Variants in RIT2 observed in about 807,000 individuals in gnomAD.
RIT2 encodes GTP-binding protein Rit2.
In RIT2, 24 loss-of-function variants were observed where a neutral mutation model predicts 23.7. The ratio of observed to expected loss-of-function variants is 1.01; its 90% confidence interval spans 0.73 to 1.43. RIT2 has a LOEUF of 1.43. RIT2 is among the 40% of genes most tolerant of loss of function. RIT2 has a pLI of 0.00. For missense variants in RIT2, 236 were observed against 266.9 expected (o/e 0.88, Z 0.81); for synonymous variants, 107 against 91.1 (o/e 1.17, Z -0.99).
At chr18:42,888,612 A>G (rs1007557544) in intron 4 of RIT2, among the ~76,000 whole-genome samples, 4 of 151,976 alleles carry the variant, frequency 2.6e-5, no homozygotes, top group Admixed American at 2.0e-4. Flanking sequence ...ATGCACTCAT[A>G]TATTCACTGC....
chr18:42,970,007 T>C (rs1910325068), intron 3 of RIT2, among the ~76,000 whole-genome samples: 2 of 152,030 alleles, frequency 1.3e-5, no homozygotes, highest in African/African-American at 4.8e-5. Flanking sequence ...TCTTGACCTA[T>C]TGCAGTTCTT....
intron 3 of RIT2, among the ~76,000 whole-genome samples, chr18:42,935,106 G>C (rs1042462478): frequency 1.3e-5 from 2 of 151,974 alleles, no homozygotes; most frequent in African/African-American, 4.8e-5. Context: ...GAAACAGCTG[G>C]GACAAAGAAA....
intron 4 of RIT2, among the ~76,000 whole-genome samples, chr18:42,782,929 C>A (rs1913844491): frequency 6.6e-6 from 1 of 151,992 alleles, no homozygotes; most frequent in African/African-American, 2.4e-5. Context: ...AGGTAATGGT[C>A]TTAAGAATGC....
chr18:43,083,990 C>G (rs1448174007), intron 1 of RIT2, among the ~76,000 whole-genome samples: 1 of 152,104 alleles, frequency 6.6e-6, no homozygotes, highest in Non-Finnish European at 1.5e-5. Flanking sequence ...ATCCATCTGA[C>G]AAAGATCTAA....
intron 4 of RIT2, among the ~76,000 whole-genome samples, chr18:42,842,463 A>G (rs765831862): frequency 3.9e-5 from 6 of 152,136 alleles, no homozygotes; most frequent in Non-Finnish European, 5.9e-5. Flanking sequence ...TATTCAATGT[A>G]TTTTTCTCAG....
At chr18:42,854,855 C>T (rs563164104) in intron 4 of RIT2, among the ~76,000 whole-genome samples, 1 of 152,140 alleles carries the variant, frequency 6.6e-6, no homozygotes, top group Non-Finnish European at 1.5e-5. Flanking sequence ...ACTATTTGCC[C>T]TTCCTGCAGG....
intron 2 of RIT2, among the ~76,000 whole-genome samples, chr18:43,020,452 C>T (rs1365945064): frequency 6.6e-6 from 1 of 152,036 alleles, no homozygotes; most frequent in Non-Finnish European, 1.5e-5. Flanking sequence ...TGTCACTGCA[C>T]TCCAGCCTGA....
chr18:42,777,781 T>C (rs1913708666), intron 4 of RIT2, among the ~76,000 whole-genome samples: 1 of 152,166 alleles, frequency 6.6e-6, no homozygotes, highest in Non-Finnish European at 1.5e-5. Flanking sequence ...AGGCTAGTTG[T>C]TTTCTCCTAA....
At chr18:42,991,285 T>C (rs1449403723) in intron 2 of RIT2, among the ~76,000 whole-genome samples, 1 of 152,112 alleles carries the variant, frequency 6.6e-6, no homozygotes, top group Non-Finnish European at 1.5e-5. Context: ...TGGTGCCATG[T>C]GTATTTGAAT....
chr18:43,097,266 A>G (rs1427613158), intron 1 of RIT2, among the ~76,000 whole-genome samples: 3 of 151,938 alleles, frequency 2.0e-5, no homozygotes, highest in Non-Finnish European at 2.9e-5. Context: ...CCAGGGAGCG[A>G]CAATTTGAGA....
intron 2 of RIT2, among the ~76,000 whole-genome samples, chr18:42,985,667 A>G (rs572746547): frequency 1.3e-5 from 2 of 152,318 alleles, no homozygotes; most frequent in African/African-American, 4.8e-5. Flanking sequence ...TGGAACATAA[A>G]TATTGTAATT....
chr18:42,819,775 G>A (rs1906097472), intron 4 of RIT2, among the ~76,000 whole-genome samples: 1 of 152,018 alleles, frequency 6.6e-6, no homozygotes, highest in South Asian at 2.1e-4. Context: ...AAAAACAGCA[G>A]TAAAAATGAA....
chr18:43,015,277 A>C, intron 2 of RIT2, among the ~76,000 whole-genome samples: 1 of 151,726 alleles, frequency 6.6e-6, no homozygotes, highest in East Asian at 1.9e-4. Context: ...AAGTGAGTAA[A>C]AAGAGTCAAG....
At chr18:42,940,236 C>CTATAGATATATA (rs1909562770) in intron 3 of RIT2, among the ~76,000 whole-genome samples, 1 of 86,992 alleles carries the variant, frequency 1.1e-5, no homozygotes, top group Non-Finnish European at 2.2e-5. Context: ...GAAAGGCTCA[C>CTATAGATATATA]TATATATATA....
chr18:42,945,669 C>CT (rs745767060), intron 3 of RIT2, among the ~76,000 whole-genome samples: 30 of 152,028 alleles, frequency 2.0e-4, no homozygotes, highest in Non-Finnish European at 4.1e-4. Flanking sequence ...TGGGTGTGGT[C>CT]TTTTTTAAAT....
intron 1 of RIT2, among the ~76,000 whole-genome samples, chr18:43,074,985 A>C (rs1912979828): frequency 6.6e-6 from 1 of 152,152 alleles, no homozygotes; most frequent in Admixed American, 6.5e-5. Flanking sequence ...GATGCAGCAA[A>C]CCACCATTGT....
chr18:42,972,945 T>A (rs1203450081), intron 3 of RIT2, among the ~76,000 whole-genome samples: 1 of 151,852 alleles, frequency 6.6e-6, no homozygotes, highest in African/African-American at 2.4e-5. Context: ...TATAAAATTT[T>A]GAATTTGTAA....
intron 1 of RIT2, among the ~76,000 whole-genome samples, chr18:43,070,518 AT>A (rs1912873981): frequency 6.6e-6 from 1 of 152,222 alleles, no homozygotes; most frequent in African/African-American, 2.4e-5. Flanking sequence ...GCAAAGTGCC[AT>A]TTCAAAGAAA....
At chr18:42,881,329 G>T (rs1199669079) in intron 4 of RIT2, among the ~76,000 whole-genome samples, 1 of 152,018 alleles carries the variant, frequency 6.6e-6, no homozygotes, top group African/African-American at 2.4e-5. Flanking sequence ...CTCAATTTTT[G>T]CATGTCTTCT....
Sources: gnomAD v4.1 joint callset for allele counts (sites outside exome capture counted in the v4.1 genomes callset) on GRCh38, gnomAD v4.1.1 for gene constraint, MANE v1.5 for transcripts, NCBI Gene and HGNC (gene_info 2026-07-23, HGNC 2026-07-21) for gene names.